The following GPR179 variants were observed in gnomAD, a reference collection of about 807,000 sequenced individuals.
GPR179 encodes probable G protein-coupled receptor 179.
Under a neutral mutation model 70.8 loss-of-function variants are expected in GPR179, and 52 were observed. That is an observed-to-expected ratio of 0.73 (90% confidence interval 0.59 to 0.93). GPR179 has a LOEUF of 0.93. GPR179 is among the 40% of genes least tolerant of loss of function. The probability of loss-of-function intolerance (pLI) is 0.00; values close to 1 mark genes in which losing one functional copy is unlikely to be tolerated. For synonymous variants in GPR179, 1,123 were observed against 1,169.0 expected (o/e 0.96, Z 0.80); for missense variants, 2,734 against 2,966.8 (o/e 0.92, Z 1.82).
At position 38,334,676 on chromosome 17, in the gene GPR179, G is replaced by C; in HGVS notation, c.1784+28C>G. ...TGAGGAGTACTGTTAGAGTGGAAGG[G>C]GGTGTGGGGAGGTGAGTCCGTCCTC... is the stretch of plus-strand genomic sequence containing the variant. On this transcript the variant is annotated intron_variant, in intron 8 of 10. Transcript: ENST00000616987. This position sits in a 1 kb window ranked among gnomAD's most constrained non-coding sequence, Gnocchi z 4.7. 6.2e-7 allele frequency: 1 copy of C among 1,610,652 alleles called. No individual in the cohort carries two copies. The highest frequency in any genetic ancestry group is 8.5e-7 in the Non-Finnish European group (1 of 1,177,696).
In GPR179 at chr17:38,333,984, G is replaced by A. The variant is rs746417155; in HGVS notation, c.1839C>T (p.Phe613=). 3.0e-5 allele frequency: 49 copies of A among 1,613,476 alleles called. No individual in the cohort carries two copies. The South Asian group carries it at 4.9e-4, about 16-fold the overall frequency. ...TGGTGGTGACTGTGCTGTGGGTGTG[G>A]AAGAAGAAGAGGAGGAGGGTCCAGT... ...HPDWTLLLFF[F]HTHSTVTTTL... Residue 613 remains phenylalanine, a synonymous_variant, in exon 9 of 11, where the codon TTC becomes TTT. Transcript: ENST00000616987.
Position 38,326,963 on chromosome 17 carries a change from TG to T in GPR179, c.6605del (p.Pro2202GlnfsTer33). 6.2e-7 allele frequency: 1 copy of T among 1,614,148 alleles called. No individual in the cohort carries two copies. The highest frequency in any genetic ancestry group is 8.5e-7 in the Non-Finnish European group (1 of 1,180,040). On this transcript the variant is annotated frameshift_variant, in exon 11 of 11. Coordinates refer to ENST00000616987, the MANE Select transcript of GPR179 (RefSeq NM_001004334.4). LOFTEE classifies it low-confidence loss of function (END_TRUNC). Reference protein sequence around the residue: ...GLLPQSGALDPELKVSPKEAG... With the variant: ...GLLPQSGALDXELKVSPKEAG... ...CTTCCTTGGGGCTGACTTTGAGTTCTGGGTCCAGGGCACCTGACTGGGGCAA... is the reference window on the plus strand; with the variant it reads ...CTTCCTTGGGGCTGACTTTGAGTTCTGGTCCAGGGCACCTGACTGGGGCAA...
chr17:38,338,029 C>T (rs539516910), intron 2 of GPR179, among the ~76,000 whole-genome samples: 9 of 152,312 alleles, frequency 5.9e-5, no homozygotes, highest in Admixed American at 1.3e-4. Flanking sequence ...CCAGCTCTTG[C>T]TAGGGCAAGG....
rs761065787 is a variant in GPR179 at position 38,328,101 on chromosome 17, C to T, written c.5468G>A (p.Ser1823Asn). ...EKAKICPWEV[S>N]EGTTGKGLDQ... ...CAATCCCTTCCCAGTAGTTCCTTCA[C>T]TTACCTCCCAGGGACAGATCTTGGC... The change falls in exon 11 of 11, where the codon AGT becomes AAT. Residue 1823 changes from serine (S) to asparagine (N), a missense_variant. Ser to Asn is a conservative substitution (Grantham distance 46, BLOSUM62 1). Coordinates refer to ENST00000616987, the MANE Select transcript of GPR179 (RefSeq NM_001004334.4). 2.5e-6 allele frequency: 4 copies of T among 1,614,100 alleles called. No individual in the cohort carries two copies. The South Asian group carries it at 3.3e-5, about 13-fold the overall frequency.
rs62073369 is a variant in GPR179, at chr17:38,333,372, C to A, written c.1916G>T (p.Arg639Leu). The A allele has an allele frequency of 1.1e-4, 178 of 1,613,750 alleles. No individual in the cohort carries two copies. The highest frequency in any genetic ancestry group is 1.5e-4 in the Non-Finnish European group (177 of 1,179,938). Reference protein sequence around the residue: ...PKFWKLGAPPREEMVDEVCED... With the variant: ...PKFWKLGAPPLEEMVDEVCED... ...ACACACCTCATCCACCATCTCCTCCCGGGGAGGAGCCCCCAGCTTCCAGAA... is the reference window on the plus strand; with the variant it reads ...ACACACCTCATCCACCATCTCCTCCAGGGGAGGAGCCCCCAGCTTCCAGAA... The change falls in exon 10 of 11, where the codon CGG becomes CTG. Residue 639 changes from arginine to leucine, a missense_variant. Transcript: ENST00000616987.
At chr17:38,335,543 G>A in intron 6 of GPR179, 48 bp downstream of exon 6, 2 of 1,304,992 alleles carry the variant, frequency 1.5e-6, no homozygotes, top group East Asian at 2.3e-5. Context: ...GTGAGCTGGG[G>A]TGGTCTGGGA....
At position 38,327,761 on chromosome 17, in the gene GPR179, A is replaced by C; in HGVS notation, c.5808T>G (p.Ala1936=). Residue 1936 remains alanine (A), a synonymous_variant, in exon 11 of 11, where the codon GCT becomes GCG. Transcript: ENST00000616987. ...CAGTAGTGAATTCTTCTGTGTCTGCAGCTGGAGCTTTTTCTTGGGTTATGT... is the reference window on the plus strand; with the variant it reads ...CAGTAGTGAATTCTTCTGTGTCTGCCGCTGGAGCTTTTTCTTGGGTTATGT... ...PEHITQEKAP[A]ADTEEFTTED... 1.2e-6 allele frequency: 2 copies of C among 1,614,100 alleles called. No individual in the cohort carries two copies. Among genetic ancestry groups the C allele is most frequent in the Non-Finnish European group, 1.7e-6 (2 of 1,180,020 alleles).
At chr17:38,342,966 A>G in intron 1 of GPR179, 30 bp downstream of exon 1, 3 of 1,554,836 alleles carry the variant, frequency 1.9e-6, no homozygotes, top group Non-Finnish European at 2.6e-6. Context: ...ATCCCCACAC[A>G]TGCATCAAAT....
chr17:38,343,565 A>T lies in GPR179; in HGVS notation c.225T>A (p.Asn75Lys), dbSNP rs749124742. 15 of 1,613,682 alleles carry T rather than the reference A, an allele frequency of 9.3e-6. No individual in the cohort carries two copies. The Admixed American group carries it at 2.5e-4, about 27-fold the overall frequency. ...CACGCGCTTCATAGCGCTCACTGCAATTCACCTGTGATAGCTGCTGGGCAT... is the reference window on the plus strand; with the variant it reads ...CACGCGCTTCATAGCGCTCACTGCATTTCACCTGTGATAGCTGCTGGGCAT... ...SGDAQQLSQVNCSERYEARGA... is the reference protein window; with the variant it reads ...SGDAQQLSQVKCSERYEARGA... Residue 75 changes from asparagine (N) to lysine (K), a missense_variant, in exon 1 of 11, where the codon AAT becomes AAA. Asn to Lys is a moderately conservative substitution (Grantham distance 94). Coordinates refer to ENST00000616987, the MANE Select transcript of GPR179 (RefSeq NM_001004334.4). This position sits in a 1 kb window ranked among gnomAD's most constrained non-coding sequence, Gnocchi z 4.2.
chr17:38,329,770 A>AG lies in GPR179; in HGVS notation c.3798dup (p.Trp1267LeufsTer5). ...TCTGGGGCTCCTTCACTCGTCTCCC[A>AG]GGGGCAGATTTCGGCCTTGTTGCCA... On this transcript the variant is annotated frameshift_variant, in exon 11 of 11. Coordinates refer to ENST00000616987, the MANE Select transcript of GPR179 (RefSeq NM_001004334.4). LOFTEE classifies it low-confidence loss of function (END_TRUNC). The AG allele has an allele frequency of 6.2e-7, 1 of 1,614,032 alleles. No homozygotes were observed. The highest frequency in any genetic ancestry group is 8.5e-7 in the Non-Finnish European group (1 of 1,180,030).
rs184895169 is a variant in GPR179, at chr17:38,332,155, G to A, written c.2038-624C>T. ...GGAGGCAGGGCAGGCAGAGCTCAGA[G>A]GGTGAGGACACAAGGGGGAAACGGG... On this transcript the variant is annotated intron_variant, in intron 10 of 10. Coordinates refer to ENST00000616987, the MANE Select transcript of GPR179 (RefSeq NM_001004334.4). 6.6e-4 allele frequency among the ~76,000 whole-genome samples: 101 copies of A among 152,266 alleles called. 1 individual carries two copies. Among genetic ancestry groups the A allele is most frequent in the Non-Finnish European group, 1.8e-4 (12 of 68,022 alleles).
chr17:38,337,573 T>A, intron 3 of GPR179, 60 bp downstream of exon 3: 1 of 1,430,372 alleles, frequency 7.0e-7, no homozygotes, highest in South Asian at 1.2e-5. Context: ...TCCCCAGATG[T>A]ACCCTCCCAA....
At position 38,330,142 on chromosome 17, in the gene GPR179, C is replaced by T. The variant is rs762296161; in HGVS notation, c.3427G>A (p.Ala1143Thr). The change falls in exon 11 of 11, where the codon GCT becomes ACT. Residue 1143 changes from alanine to threonine, a missense_variant. By Grantham distance (58) the Ala-to-Thr change is moderately conservative. Transcript: ENST00000616987. ...GRPKAVSKQAALIPSDDKESL... is the reference protein window; with the variant it reads ...GRPKAVSKQATLIPSDDKESL... ...TCCTTGTCATCGGAGGGGATAAGAG[C>T]GGCCTGCTTACTCACCGCCTTGGGC... 2.2e-5 allele frequency: 35 copies of T among 1,595,460 alleles called. No homozygotes were observed. The highest frequency in any genetic ancestry group is 6.7e-5 in the African/African-American group (5 of 74,422).
In GPR179 at chr17:38,326,711, G is replaced by T. The variant is rs2037289191; in HGVS notation, c.6858C>A (p.Phe2286Leu). The T allele has an allele frequency of 6.2e-7, 1 of 1,614,204 alleles. No individual in the cohort carries two copies. The highest frequency in any genetic ancestry group is 2.2e-5 in the East Asian group (1 of 44,886). Residue 2286 changes from phenylalanine to leucine, a missense_variant, in exon 11 of 11, where the codon TTC (phenylalanine) becomes TTA (leucine). Physicochemically the swap from Phe to Leu is conservative, Grantham distance 22. Transcript: ENST00000616987. Reference sequence around the variant, plus strand: ...GGCAGGGGATTTTGCTTTCTGGAAAGAAGTGATCCAGAGGCCCATGGACTA... The same window carrying T: ...GGCAGGGGATTTTGCTTTCTGGAAATAAGTGATCCAGAGGCCCATGGACTA... Reference protein sequence around the residue: ...CLLVHGPLDHFFPESKIPCPK... With the variant: ...CLLVHGPLDHLFPESKIPCPK...
At position 38,326,577 on chromosome 17, in the gene GPR179, T is replaced by C. The variant is rs1212397458; in HGVS notation, c.6992A>G (p.Gln2331Arg). The C allele has an allele frequency of 5.6e-6, 9 of 1,614,234 alleles. No homozygotes were observed. Among genetic ancestry groups the C allele is most frequent in the South Asian group, 2.2e-5 (2 of 91,084 alleles). The change falls in exon 11 of 11, where the codon CAG (glutamine) becomes CGG (arginine). Residue 2331 changes from glutamine to arginine, a missense_variant. Transcript: ENST00000616987. ...GGACGAAGACTGAGACTCAGCTTCCTGGAGACTTGGCTCTGGGGCTAAGCT... is the reference window on the plus strand; with the variant it reads ...GGACGAAGACTGAGACTCAGCTTCCCGGAGACTTGGCTCTGGGGCTAAGCT... ...RTSLAPEPSLQEAESQSSSLT... is the reference protein window; with the variant it reads ...RTSLAPEPSLREAESQSSSLT...
rs1245093177 is a variant in GPR179 at position 38,328,087 on chromosome 17, C to A, written c.5482G>T (p.Gly1828Trp). The change falls in exon 11 of 11, where the codon GGG becomes TGG. Residue 1828 changes from glycine (G) to tryptophan (W), a missense_variant. Coordinates refer to ENST00000616987, the MANE Select transcript of GPR179 (RefSeq NM_001004334.4). ...CCTGCCTTTTGGTCCAATCCCTTCC[C>A]AGTAGTTCCTTCACTTACCTCCCAG... ...CPWEVSEGTT[G>W]KGLDQKAGSE... 1.9e-6 allele frequency: 3 copies of A among 1,614,158 alleles called. No homozygotes were observed. The highest frequency in any genetic ancestry group is 2.5e-6 in the Non-Finnish European group (3 of 1,180,016).
chr17:38,327,018 G>A lies in GPR179; in HGVS notation c.6551C>T (p.Pro2184Leu), dbSNP rs1373904156. The A allele has an allele frequency of 1.2e-6, 2 of 1,614,198 alleles. No homozygotes were observed. Among genetic ancestry groups the A allele is most frequent in the Admixed American group, 3.3e-5 (2 of 60,034 alleles). The change falls in exon 11 of 11, where the codon CCT becomes CTT. Residue 2184 changes from proline (P) to leucine (L), a missense_variant. Physicochemically the swap from Pro to Leu is moderately conservative, Grantham distance 98 (BLOSUM62 -3). Coordinates refer to ENST00000616987, the MANE Select transcript of GPR179 (RefSeq NM_001004334.4). ...CCCTCCTGAGCCTGTGCCTTCCCCAGGGCAGACTGCCTCCTGCTCTCTGGG... is the reference window on the plus strand; with the variant it reads ...CCCTCCTGAGCCTGTGCCTTCCCCAAGGCAGACTGCCTCCTGCTCTCTGGG... ...AKPREQEAVC[P>L]GEGTGSGGLL...
rs973260771 is a variant in GPR179, at chr17:38,341,091, T to A, written c.795-1566A>T. Among the ~76,000 whole-genome samples the A allele has an allele frequency of 7.2e-5, 11 of 152,178 alleles. No individual in the cohort carries two copies. The East Asian group carries it at 2.1e-3, about 29-fold the overall frequency. On this transcript the variant is annotated intron_variant, in intron 1 of 10. Coordinates refer to ENST00000616987, the MANE Select transcript of GPR179 (RefSeq NM_001004334.4). ...GGCACTAGATCTGGGGACAATGCAG[T>A]CTTTGCAAACTTTAGCCCAGCACCT...
chr17:38,334,577 G>T lies in GPR179; in HGVS notation c.1784+127C>A. ...GGTAGGGAGAGAGCCAGAAGTGGGGGCCTTCGTCAACGTGCTGAGGCGTAG... is the reference window on the plus strand; with the variant it reads ...GGTAGGGAGAGAGCCAGAAGTGGGGTCCTTCGTCAACGTGCTGAGGCGTAG... On this transcript the variant is annotated intron_variant, in intron 8 of 10. Transcript: ENST00000616987. This position sits in a 1 kb window ranked among gnomAD's most constrained non-coding sequence, Gnocchi z 4.7. 1.1e-6 allele frequency: 1 copy of T among 943,986 alleles called. No individual in the cohort carries two copies. The highest frequency in any genetic ancestry group is 1.5e-5 in the South Asian group (1 of 64,898). 58.5% of individuals were successfully genotyped at this position (943,986 alleles called of 1,614,324 possible).
Sources: gnomAD v4.1 joint callset for allele counts (sites outside exome capture counted in the v4.1 genomes callset) on GRCh38, gnomAD v4.1.1 for gene constraint, Gnocchi (gnomAD v3.1) non-coding constraint, MANE v1.5 for transcripts, NCBI Gene and HGNC (gene_info 2026-07-23, HGNC 2026-07-21) for gene names.